PLS1: variants seen among roughly 807,000 people sequenced by gnomAD.
The protein encoded by PLS1 is plastin 1, also known as plastin-1.
A neutral mutation model predicts 73.7 loss-of-function variants in PLS1; 32 were observed. That is an observed-to-expected ratio of 0.43 (90% confidence interval 0.33 to 0.58). The LOEUF (loss-of-function observed/expected upper bound fraction) is 0.58, where lower values mean the gene tolerates loss of function less well. Ranked by LOEUF, PLS1 falls within the 20% of genes least tolerant of loss-of-function variation. PLS1 has a pLI of 0.04. For synonymous variants in PLS1, 217 were observed against 261.3 expected (o/e 0.83, Z 1.63); for missense variants, 633 against 740.5 (o/e 0.85, Z 1.68).
At chr3:142,644,106 G>A (rs994479199) in intron 1 of PLS1, among the ~76,000 whole-genome samples, 1 of 152,072 alleles carries the variant, frequency 6.6e-6, no homozygotes, top group East Asian at 1.9e-4. Context: ...GGGATTACAG[G>A]TGTGAGCCAC....
intron 6 of PLS1, among the ~76,000 whole-genome samples, chr3:142,678,324 A>G (rs1055049704): frequency 6.7e-6 from 1 of 150,304 alleles, no homozygotes; most frequent in Non-Finnish European, 1.5e-5. Flanking sequence ...CACAATGTGC[A>G]GGTTAGTTAC....
At chr3:142,626,956 A>C (rs536456339) in intron 1 of PLS1, among the ~76,000 whole-genome samples, 2 of 152,062 alleles carry the variant, frequency 1.3e-5, no homozygotes, top group Non-Finnish European at 2.9e-5. Flanking sequence ...TAGAACGTCT[A>C]CTCCTCTCTT....
chr3:142,687,951 G>GT (rs35592296), intron 9 of PLS1, among the ~76,000 whole-genome samples: 29,252 of 137,406 alleles, frequency 0.21, 3,615 homozygotes, highest in Non-Finnish European at 0.3. Context: ...TTATTTGTTT[G>GT]TTTTTTTTTT....
At chr3:142,644,047 C>G (rs552414477) in intron 1 of PLS1, among the ~76,000 whole-genome samples, 32 of 152,012 alleles carry the variant, frequency 2.1e-4, no homozygotes, top group African/African-American at 7.2e-4. Flanking sequence ...AGGCTGGTCT[C>G]GAACTCCTGA....
intron 1 of PLS1, among the ~76,000 whole-genome samples, chr3:142,661,297 A>C (rs2037364520): frequency 6.6e-6 from 1 of 152,246 alleles, no homozygotes; most frequent in South Asian, 2.1e-4. Flanking sequence ...TCTGGGGAGT[A>C]AGATGACTTC....
chr3:142,652,031 A>G, intron 1 of PLS1, among the ~76,000 whole-genome samples: 1 of 152,140 alleles, frequency 6.6e-6, no homozygotes, highest in East Asian at 1.9e-4. Flanking sequence ...TGGACACATT[A>G]AGGAAGGGGT....
Position 142,704,477 on chromosome 3 carries a change from T to G in PLS1, c.1520T>G (p.Val507Gly). The G allele has an allele frequency of 1.2e-6, 2 of 1,603,508 alleles. No individual in the cohort carries two copies. Among genetic ancestry groups the G allele is most frequent in the Non-Finnish European group, 1.7e-6 (2 of 1,172,428 alleles). ...TTCTGTTGCAGGTACACATTGAATG[T>G]GTTATCGGATCTTGGAGAGGGTGAA... ...WQLMRRYTLN[V>G]LSDLGEGEKV... The change falls in exon 14 of 16, where the codon GTG (valine) becomes GGG (glycine). Residue 507 changes from valine to glycine, a missense_variant. Physicochemically the swap from Val to Gly is moderately radical, Grantham distance 109. Transcript: ENST00000457734.
intron 1 of PLS1, among the ~76,000 whole-genome samples, chr3:142,607,640 T>C (rs1268463581): frequency 6.6e-6 from 1 of 152,268 alleles, no homozygotes; most frequent in African/African-American, 2.4e-5. Flanking sequence ...GATCTTGTTA[T>C]ATTATTATTA....
chr3:142,657,073 G>C (rs981550227), intron 1 of PLS1: 4 of 152,280 alleles, frequency 2.6e-5, no homozygotes, highest in Middle Eastern at 3.4e-3. Flanking sequence ...TGTTGTCCTG[G>C]GTCTAATGTA....
At chr3:142,685,180 G>T (rs560369820) in intron 8 of PLS1, among the ~76,000 whole-genome samples, 1 of 152,206 alleles carries the variant, frequency 6.6e-6, no homozygotes, top group African/African-American at 2.4e-5. Flanking sequence ...ACTATACACT[G>T]TTATATTTGA....
chr3:142,642,914 C>A (rs2036871433), intron 1 of PLS1, among the ~76,000 whole-genome samples: 1 of 152,128 alleles, frequency 6.6e-6, no homozygotes, highest in South Asian at 2.1e-4. Flanking sequence ...TGGTCTTGAA[C>A]TCCTGGGCTC....
chr3:142,618,454 C>T (rs1239367720), intron 1 of PLS1, among the ~76,000 whole-genome samples: 4 of 152,200 alleles, frequency 2.6e-5, no homozygotes, highest in Non-Finnish European at 5.9e-5. Flanking sequence ...TTCTGTAGGT[C>T]AGAAGTTTGA....
At chr3:142,675,965 GCCA>G (rs2037715984) in intron 4 of PLS1, among the ~76,000 whole-genome samples, 189 bp from the exon 5 acceptor site, 1 of 152,228 alleles carries the variant, frequency 6.6e-6, no homozygotes, top group Non-Finnish European at 1.5e-5. Flanking sequence ...ACAGGCGTGA[GCCA>G]CCACACCCAG....
chr3:142,639,042 A>G lies in PLS1; in HGVS notation c.-36-25160A>G, dbSNP rs928344548. On this transcript the variant is annotated intron_variant, in intron 1 of 15. Coordinates refer to ENST00000457734, the MANE Select transcript of PLS1 (RefSeq NM_001145319.2). ...AGGTGTGAGCCACCACAGCTGGCCT[A>G]TCTTTATGTTTATTATAACGTAATT... Among the ~76,000 whole-genome samples the G allele has an allele frequency of 2.0e-5, 3 of 152,242 alleles. No homozygotes were observed. In the South Asian group the frequency reaches 6.2e-4, roughly 32 times the overall value.
chr3:142,635,640 G>A (rs1232266651), intron 1 of PLS1, among the ~76,000 whole-genome samples: 1 of 152,054 alleles, frequency 6.6e-6, no homozygotes, highest in Non-Finnish European at 1.5e-5. Flanking sequence ...ATAACATGGT[G>A]ATGAACTCTC....
chr3:142,665,720 A>G (rs1384298148), intron 2 of PLS1, among the ~76,000 whole-genome samples: 1 of 152,222 alleles, frequency 6.6e-6, no homozygotes, highest in Non-Finnish European at 1.5e-5. Flanking sequence ...AACAACTTTA[A>G]TCTTTGACTC....
intron 10 of PLS1, among the ~76,000 whole-genome samples, chr3:142,690,077 G>T (rs1423941467): frequency 6.6e-6 from 1 of 152,132 alleles, no homozygotes; most frequent in Non-Finnish European, 1.5e-5. Flanking sequence ...TCACATAACA[G>T]CTCTACCACC....
At chr3:142,650,791 TG>T (rs1346960260) in intron 1 of PLS1, among the ~76,000 whole-genome samples, 2 of 152,186 alleles carry the variant, frequency 1.3e-5, no homozygotes, top group Admixed American at 6.5e-5. Flanking sequence ...GATGGGGACT[TG>T]GGTAATACTC....
At chr3:142,659,586 CAT>C (rs1219531065) in intron 1 of PLS1, among the ~76,000 whole-genome samples, 1 of 151,640 alleles carries the variant, frequency 6.6e-6, no homozygotes, top group African/African-American at 2.4e-5. Context: ...ATACAAAAAG[CAT>C]ATAATGAAGA....
Sources: gnomAD v4.1 joint callset for allele counts (sites outside exome capture counted in the v4.1 genomes callset) on GRCh38, gnomAD v4.1.1 for gene constraint, MANE v1.5 for transcripts, NCBI Gene and HGNC (gene_info 2026-07-23, HGNC 2026-07-21) for gene names.